PHKB: variants seen among roughly 807,000 people sequenced by gnomAD.
The protein encoded by PHKB is phosphorylase b kinase regulatory subunit beta.
Under a neutral mutation model 152.1 loss-of-function variants are expected in PHKB, and 122 were observed. The observed-to-expected ratio is 0.80, with a 90% CI of 0.69 to 0.93. The LOEUF (loss-of-function observed/expected upper bound fraction) is 0.93. Among genes scored for constraint, PHKB ranks in the 40% least tolerant of loss-of-function variants. The pLI is 0.00. For synonymous variants in PHKB, 436 were observed against 464.9 expected, an observed-to-expected ratio of 0.94 and a Z score of 0.80; for missense variants, 1,304 against 1,328.4, an observed-to-expected ratio of 0.98 and a Z score of 0.29.
chr16:47,672,070 C>T (rs980376279), intron 26 of PHKB, among the ~76,000 whole-genome samples: 1 of 152,094 alleles, frequency 6.6e-6, no homozygotes, highest in African/African-American at 2.4e-5. Flanking sequence ...TTCTAAGTTA[C>T]ATTTTTCAGT....
chr16:47,656,411 G>A (rs776653089), intron 20 of PHKB, among the ~76,000 whole-genome samples: 5 of 152,140 alleles, frequency 3.3e-5, no homozygotes, highest in Non-Finnish European at 5.9e-5. Flanking sequence ...TTTATCAAAA[G>A]CAAAATGTAA....
chr16:47,588,022 C>T (rs1056620046), intron 9 of PHKB, among the ~76,000 whole-genome samples: 7 of 151,914 alleles, frequency 4.6e-5, no homozygotes, highest in Non-Finnish European at 8.8e-5. Flanking sequence ...GGGGGAGTAG[C>T]AACATTAGGC....
At chr16:47,545,611 C>G (rs554804083) in intron 6 of PHKB, among the ~76,000 whole-genome samples, 1 of 152,270 alleles carries the variant, frequency 6.6e-6, no homozygotes, top group Non-Finnish European at 1.5e-5. Flanking sequence ...GTGGTGTTCT[C>G]TGTATTTCCT....
Position 47,493,416 on chromosome 16 carries a change from G to A in PHKB, c.77-3983G>A, listed in dbSNP as rs556732871. On this transcript the variant is annotated intron_variant, in intron 1 of 30. Transcript: ENST00000323584. Reference sequence around the variant, plus strand: ...TAGCTCTCCTAGTTATTTTATTTTAGAGCTAGCTTTTTAAAATTGAGAGTA... The same window carrying A: ...TAGCTCTCCTAGTTATTTTATTTTAAAGCTAGCTTTTTAAAATTGAGAGTA... Among the ~76,000 whole-genome samples, 75 of 152,188 alleles carry A rather than the reference G, an allele frequency of 4.9e-4. 1 individual carries two copies. The South Asian group carries it at 0.014, about 29-fold the overall frequency.
chr16:47,657,050 C>G (rs1472016715), intron 20 of PHKB, among the ~76,000 whole-genome samples: 2 of 152,038 alleles, frequency 1.3e-5, no homozygotes, highest in African/African-American at 4.8e-5. Context: ...TTTAGTGAAG[C>G]CTCGGGGACT....
chr16:47,484,586 T>C (rs1207964586), intron 1 of PHKB, among the ~76,000 whole-genome samples: 1 of 152,126 alleles, frequency 6.6e-6, no homozygotes, highest in East Asian at 1.9e-4. Context: ...TTTTTTTTGG[T>C]GAGGTTTCAT....
At chr16:47,563,501 C>T (rs996444976) in intron 7 of PHKB, among the ~76,000 whole-genome samples, 11 of 151,920 alleles carry the variant, frequency 7.2e-5, no homozygotes, top group Non-Finnish European at 1.5e-4. Flanking sequence ...TCATTTTTTT[C>T]TGAGCATCAG....
At chr16:47,501,182 A>G (rs895655923) in intron 3 of PHKB, among the ~76,000 whole-genome samples, 4 of 152,222 alleles carry the variant, frequency 2.6e-5, no homozygotes, top group African/African-American at 9.6e-5. Flanking sequence ...ATTTGACACA[A>G]TGGGAAATAC....
chr16:47,542,010 A>G (rs1240892314), intron 6 of PHKB, among the ~76,000 whole-genome samples: 1 of 151,978 alleles, frequency 6.6e-6, no homozygotes, highest in African/African-American at 2.4e-5. Context: ...ATTAGATACC[A>G]TTTGTCTATT....
chr16:47,662,317 C>G (rs889508144), intron 23 of PHKB, among the ~76,000 whole-genome samples: 2 of 152,110 alleles, frequency 1.3e-5, no homozygotes, highest in African/African-American at 4.8e-5. Flanking sequence ...ACCAGTTATC[C>G]CCCAGATTCA....
intron 3 of PHKB, among the ~76,000 whole-genome samples, chr16:47,502,646 T>C (rs1970342296): frequency 1.3e-5 from 2 of 152,222 alleles, no homozygotes. Flanking sequence ...TCAGCTTTAG[T>C]TCATAACAGT....
At chr16:47,492,619 C>G (rs1249161088) in intron 1 of PHKB, among the ~76,000 whole-genome samples, 3 of 152,120 alleles carry the variant, frequency 2.0e-5, no homozygotes, top group Non-Finnish European at 2.9e-5. Context: ...TTCACGCACC[C>G]CAGCCTTGGC....
At position 47,669,569 on chromosome 16, in the gene PHKB, G is replaced by T. The variant is rs1198717984; in HGVS notation, c.2630+152G>T. 4.2e-6 allele frequency: 3 copies of T among 714,760 alleles called. No homozygotes were observed. In the African/African-American group the frequency reaches 5.2e-5, roughly 12 times the overall value. 44.3% of individuals were successfully genotyped at this position (714,760 alleles called of 1,614,324 possible). On this transcript the variant is annotated intron_variant, in intron 26 of 30. Coordinates refer to ENST00000323584, the MANE Select transcript of PHKB (RefSeq NM_000293.3). Reference sequence around the variant, plus strand: ...TAAGCCATGCAGGCAATATCTGGGGGTATGAAAAATAAATGCCACTAGCCT... The same window carrying T: ...TAAGCCATGCAGGCAATATCTGGGGTTATGAAAAATAAATGCCACTAGCCT...
At chr16:47,698,253 TG>T (rs1383673655) in intron 29 of PHKB, among the ~76,000 whole-genome samples, 194 bp from the exon 30 acceptor site, 1 of 151,962 alleles carries the variant, frequency 6.6e-6, no homozygotes, top group African/African-American at 2.4e-5. Flanking sequence ...ATACACACAA[TG>T]AAAAAAAAGG....
chr16:47,557,873 C>G (rs970946545), intron 7 of PHKB, among the ~76,000 whole-genome samples: 8 of 152,132 alleles, frequency 5.3e-5, no homozygotes, highest in African/African-American at 1.7e-4. Flanking sequence ...ACCCAGCCAT[C>G]CCATTACTGG....
At chr16:47,575,817 C>A (rs1971738919) in intron 7 of PHKB, among the ~76,000 whole-genome samples, 1 of 152,184 alleles carries the variant, frequency 6.6e-6, no homozygotes, top group Non-Finnish European at 1.5e-5. Flanking sequence ...TGGCTAATGC[C>A]TGTAATCCCA....
intron 7 of PHKB, among the ~76,000 whole-genome samples, chr16:47,570,154 A>T (rs1277999040): frequency 6.6e-6 from 1 of 152,240 alleles, no homozygotes; most frequent in African/African-American, 2.4e-5. Context: ...CTGAGAAGTT[A>T]GTCTGATAGT....
rs563758405 is a variant in PHKB at position 47,688,744 on chromosome 16, G to A, written c.2631-297G>A. ...AAAATACAGTGTAGCAGCTGTTTAT[G>A]TACAGAATAATACCACAGTGGATGG... On this transcript the variant is annotated intron_variant, in intron 26 of 30. Transcript: ENST00000323584. Among the ~76,000 whole-genome samples the A allele has an allele frequency of 1.9e-4, 25 of 129,464 alleles. No homozygotes were observed. The South Asian group carries it at 5.6e-3, about 29-fold the overall frequency. 84.9% of individuals were successfully genotyped at this position (129,464 alleles called of 152,430 possible).
At chr16:47,506,157 G>C (rs1970414696) in intron 4 of PHKB, among the ~76,000 whole-genome samples, 1 of 151,130 alleles carries the variant, frequency 6.6e-6, no homozygotes, top group Non-Finnish European at 1.5e-5. Context: ...TTCGAGACCA[G>C]CCTGGGCAAC....
Sources: allele counts gnomAD v4.1 joint callset (sites outside exome capture counted in the v4.1 genomes callset), GRCh38; gene constraint gnomAD v4.1.1; transcripts MANE v1.5; gene names NCBI Gene and HGNC (gene_info 2026-07-23, HGNC 2026-07-21).